MGST1: variants seen among roughly 807,000 people sequenced by gnomAD.
MGST1 encodes the protein microsomal glutathione S-transferase 1.
A neutral mutation model predicts 8.9 loss-of-function variants in MGST1; 5 were observed. The observed-to-expected ratio is 0.56, with a 90% CI of 0.29 to 1.19. The LOEUF is 1.19. Among genes scored for constraint, MGST1 ranks in the 50% most tolerant of loss-of-function variants. The pLI, the probability that MGST1 is intolerant of heterozygous loss-of-function variation, is 0.08. For missense variants in MGST1, 182 were observed against 187.4 expected, an observed-to-expected ratio of 0.97 and a Z score of 0.17; for synonymous variants, 54 against 67.8, an observed-to-expected ratio of 0.80 and a Z score of 1.00.
intron 4 of MGST1, among the ~76,000 whole-genome samples, chr12:16,520,998 C>T (rs1476021412): frequency 2.0e-5 from 3 of 152,160 alleles, no homozygotes; most frequent in Non-Finnish European, 1.5e-5. Flanking sequence ...ACTTAATAAG[C>T]ACACTTCCAA....
At chr12:16,512,483 G>C (rs1001795649) in intron 4 of MGST1, among the ~76,000 whole-genome samples, 6 of 152,110 alleles carry the variant, frequency 3.9e-5, no homozygotes, top group African/African-American at 1.2e-4. Context: ...TTTACTCACT[G>C]TGATACCTAT....
chr12:16,424,182 T>G (rs568412845), intron 1 of MGST1, among the ~76,000 whole-genome samples: 1 of 152,332 alleles, frequency 6.6e-6, no homozygotes, highest in South Asian at 2.1e-4. Flanking sequence ...ATTTAATCAA[T>G]CATCAAGTGT....
At chr12:16,470,603 C>T (rs1352107560) in intron 4 of MGST1, among the ~76,000 whole-genome samples, 2 of 152,118 alleles carry the variant, frequency 1.3e-5, no homozygotes, top group Non-Finnish European at 2.9e-5. Flanking sequence ...ACTTTTATGT[C>T]TTGTACCAGT....
rs750711694 is a variant in MGST1, at chr12:16,363,747, A to G, written c.222-48A>G. 2 of 1,463,356 alleles carry G rather than the reference A, an allele frequency of 1.4e-6. No homozygotes were observed. Among genetic ancestry groups the G allele is most frequent in the South Asian group, 2.9e-5 (2 of 69,450 alleles). The allele number at this position is 1,463,356 out of a possible 1,614,324, so 90.6% of individuals were successfully genotyped here. On this transcript the variant is annotated intron_variant, in intron 3 of 3. Transcript: ENST00000396210. The surrounding 1 kb of genome is among the most constrained non-coding windows in gnomAD (Gnocchi z 4.6). ...AGAAGAGAGAGAAAAAAGGATACAT[A>G]TCTAGTATTTTGAAATTAGTGTCTT... is the stretch of plus-strand genomic sequence containing the variant.
chr12:16,494,109 C>T lies in MGST1; in HGVS notation n.483-95419C>T, dbSNP rs192583636. On this transcript the variant is annotated intron_variant and non_coding_transcript_variant, in intron 4 of 4. Transcript: ENST00000538857. ...CTCTTGTGAGCTAATGGCATAAAAG[C>T]GGTATGTTCCCTGATTAACAATTAA... Among the ~76,000 whole-genome samples, 46 of 152,130 alleles carry T rather than the reference C, an allele frequency of 3.0e-4. 1 individual carries two copies. The highest frequency in any genetic ancestry group is 2.0e-3 in the Admixed American group (31 of 15,270).
Position 16,363,655 on chromosome 12 carries a change from T to G in MGST1, c.222-140T>G. ...TCAAGTGGGCAAGGAAGCAAGACAA[T>G]TTGAGAGAAAAAAAATAAATCTTAC... On this transcript the variant is annotated intron_variant, in intron 3 of 3. Coordinates refer to ENST00000396210, the MANE Select transcript of MGST1 (RefSeq NM_020300.5). The surrounding 1 kb of genome is among the most constrained non-coding windows in gnomAD (Gnocchi z 4.6). 2.9e-6 allele frequency: 2 copies of G among 678,518 alleles called. No individual in the cohort carries two copies. Among genetic ancestry groups the G allele is most frequent in the Non-Finnish European group, 4.4e-6 (2 of 449,606 alleles). The allele number at this position is 678,518 out of a possible 1,614,324, so 42.0% of individuals were successfully genotyped here.
In MGST1 at chr12:16,560,289, T is replaced by A. The variant is rs1942351203; in HGVS notation, n.483-29239T>A. Reference sequence around the variant, plus strand: ...TTGTCTCTGGCATGGGATTAAAGTTTACAGAACAGAAAAACGCTGAGATTG... The same window carrying A: ...TTGTCTCTGGCATGGGATTAAAGTTAACAGAACAGAAAAACGCTGAGATTG... On this transcript the variant is annotated intron_variant and non_coding_transcript_variant, in intron 4 of 4. Coordinates refer to the MGST1 transcript ENST00000538857. This position sits in a 1 kb window ranked among gnomAD's most constrained non-coding sequence, Gnocchi z 5.0. 3 of 1,102,174 alleles carry A rather than the reference T, an allele frequency of 2.7e-6. No individual in the cohort carries two copies. Among genetic ancestry groups the A allele is most frequent in the Admixed American group, 5.0e-5 (2 of 39,988 alleles). The allele number at this position is 1,102,174 out of a possible 1,614,324, so 68.3% of individuals were successfully genotyped here. A position where few individuals can be genotyped will look rare whatever the true frequency, so the allele number is the denominator to read the frequency against.
Position 16,482,738 on chromosome 12 carries a change from A to G in MGST1, n.482+99134A>G, listed in dbSNP as rs1187632202. On this transcript the variant is annotated intron_variant and non_coding_transcript_variant, in intron 4 of 4. Coordinates refer to the MGST1 transcript ENST00000538857. This position sits in a 1 kb window ranked among gnomAD's most constrained non-coding sequence, Gnocchi z 4.2. ...AGGTATGTTCTGGAGAAGGGAAAAG[A>G]TAATGGCTGAGATACGCAAAGGATT... Among the ~76,000 whole-genome samples, 1 of 152,226 alleles carries G rather than the reference A, an allele frequency of 6.6e-6. No individual in the cohort carries two copies. Among genetic ancestry groups the G allele is most frequent in the Non-Finnish European group, 1.5e-5 (1 of 68,034 alleles).
rs1941833334 is a variant in MGST1 at position 16,547,115 on chromosome 12, T to G, written n.483-42413T>G. ...AAGCTCTAGTAAAAATGAATTTTCT[T>G]CATTTTTCTGGCCATTCATAAGGTT... On this transcript the variant is annotated intron_variant and non_coding_transcript_variant, in intron 4 of 4. Transcript: ENST00000538857. The surrounding 1 kb of genome is among the most constrained non-coding windows in gnomAD (Gnocchi z 4.6). 6.6e-6 allele frequency among the ~76,000 whole-genome samples: 1 copy of G among 152,158 alleles called. No homozygotes were observed. The highest frequency in any genetic ancestry group is 1.5e-5 in the Non-Finnish European group (1 of 68,016).
chr12:16,412,625 C>A (rs558110533), intron 1 of MGST1, among the ~76,000 whole-genome samples: 1 of 152,064 alleles, frequency 6.6e-6, no homozygotes, highest in African/African-American at 2.4e-5. Context: ...TTAAATCATG[C>A]GGATGAGTTT....
At chr12:16,419,489 A>T (rs1249505993) in intron 1 of MGST1, among the ~76,000 whole-genome samples, 5 of 152,134 alleles carry the variant, frequency 3.3e-5, no homozygotes, top group African/African-American at 1.2e-4. Context: ...AAAAGGAAAA[A>T]ATCTCGACAA....
intron 1 of MGST1, among the ~76,000 whole-genome samples, chr12:16,384,312 C>T (rs1020497625): frequency 1.3e-5 from 2 of 152,142 alleles, no homozygotes; most frequent in Non-Finnish European, 2.9e-5. Context: ...TTTGGGCAGA[C>T]ATAATTAAGT....
chr12:16,364,249 T>C lies in MGST1; in HGVS notation c.*208T>C. Reference sequence around the variant, plus strand: ...TTTAACATAGTAATTCTTAAGTCTTTTGTCTGATTTTTAAAGTACTTTCTT... The same window carrying C: ...TTTAACATAGTAATTCTTAAGTCTTCTGTCTGATTTTTAAAGTACTTTCTT... On this transcript the variant is annotated 3_prime_UTR_variant, in exon 4 of 4. Coordinates refer to ENST00000396210, the MANE Select transcript of MGST1 (RefSeq NM_020300.5). This position sits in a 1 kb window ranked among gnomAD's most constrained non-coding sequence, Gnocchi z 5.7. The C allele has an allele frequency of 8.0e-7, 1 of 1,246,878 alleles. No homozygotes were observed. The highest frequency in any genetic ancestry group is 1.0e-6 in the Non-Finnish European group (1 of 992,942). The allele number at this position is 1,246,878 out of a possible 1,614,324, so 77.2% of individuals were successfully genotyped here.
Position 16,401,715 on chromosome 12 carries a change from G to C in MGST1, n.778+18111G>C. The C allele has an allele frequency of 6.2e-7, 1 of 1,601,898 alleles. No individual in the cohort carries two copies. Among genetic ancestry groups the C allele is most frequent in the Non-Finnish European group, 8.6e-7 (1 of 1,168,946 alleles). On this transcript the variant is annotated intron_variant and non_coding_transcript_variant, in intron 1 of 1. Coordinates refer to the MGST1 transcript ENST00000359720. The surrounding 1 kb of genome is among the most constrained non-coding windows in gnomAD (Gnocchi z 4.3). Reference sequence around the variant, plus strand: ...AGGGTAACACATTTCCACAGTAGAAGGGTCTGCCCCAGCAAGGTATTTTTT... The same window carrying C: ...AGGGTAACACATTTCCACAGTAGAACGGTCTGCCCCAGCAAGGTATTTTTT...
intron 4 of MGST1, among the ~76,000 whole-genome samples, chr12:16,510,026 G>C (rs1330433748): frequency 1.3e-5 from 2 of 152,188 alleles, no homozygotes; most frequent in Non-Finnish European, 1.5e-5. Flanking sequence ...ATGTAAAAGA[G>C]TTAAAACAGT....
intron 4 of MGST1, among the ~76,000 whole-genome samples, chr12:16,447,356 G>C (rs1941088387): frequency 6.6e-6 from 1 of 151,896 alleles, no homozygotes; most frequent in African/African-American, 2.4e-5. Flanking sequence ...AGTTGCTTTT[G>C]ATATAATTTA....
Position 16,547,223 on chromosome 12 carries a change from G to A in MGST1, n.483-42305G>A, listed in dbSNP as rs1941834480. ...ACAGGCATGTGTTAAACTTGACACT[G>A]GTTTCAGCCAAATAATGGACCAGTT... On this transcript the variant is annotated intron_variant and non_coding_transcript_variant, in intron 4 of 4. Coordinates refer to the MGST1 transcript ENST00000538857. The surrounding 1 kb of genome is among the most constrained non-coding windows in gnomAD (Gnocchi z 4.6). Among the ~76,000 whole-genome samples, 1 of 152,046 alleles carries A rather than the reference G, an allele frequency of 6.6e-6. No individual in the cohort carries two copies. Among genetic ancestry groups the A allele is most frequent in the African/African-American group, 2.4e-5 (1 of 41,394 alleles).
At chr12:16,374,678 A>T (rs1479491558) in intron 3 of MGST1, among the ~76,000 whole-genome samples, 1 of 152,198 alleles carries the variant, frequency 6.6e-6, no homozygotes, top group Non-Finnish European at 1.5e-5. Context: ...TTTAATAGCA[A>T]GCGAATGCAA....
chr12:16,416,598 C>A (rs1940789922), intron 1 of MGST1, among the ~76,000 whole-genome samples: 1 of 152,036 alleles, frequency 6.6e-6, no homozygotes, highest in Admixed American at 6.6e-5. Context: ...GGAGCACCAA[C>A]CCCATCATGA....
Sources: allele counts gnomAD v4.1 joint callset (sites outside exome capture counted in the v4.1 genomes callset), GRCh38; gene constraint gnomAD v4.1.1; non-coding constraint Gnocchi (gnomAD v3.1); transcripts MANE v1.5; gene names NCBI Gene and HGNC (gene_info 2026-07-23, HGNC 2026-07-21).